The following HDHD2 variants were observed in gnomAD, a reference collection of about 807,000 sequenced individuals.
HDHD2 encodes the protein haloacid dehalogenase-like hydrolase domain-containing protein 2.
In HDHD2, 26 loss-of-function variants were observed where a neutral mutation model predicts 24.8. The ratio of observed to expected loss-of-function variants is 1.05; its 90% CI spans 0.77 to 1.45. The LOEUF (loss-of-function observed/expected upper bound fraction) is 1.45. Among genes scored for constraint, HDHD2 ranks in the 40% most tolerant of loss-of-function variants. HDHD2 has a pLI of 0.00. For missense variants in HDHD2, 299 were observed against 313.4 expected (o/e 0.95, Z 0.35); for synonymous variants, 128 against 114.9 (o/e 1.11, Z -0.73).
rs2063489410 is a variant in HDHD2 at position 47,108,320 on chromosome 18, TC to T, written c.*361del. The T allele has an allele frequency of 5.5e-6, 1 of 180,534 alleles. No homozygotes were observed. The allele number at this position is 180,534 out of a possible 1,614,324, so 11.2% of individuals were successfully genotyped here. On this transcript the variant is annotated 3_prime_UTR_variant, in exon 7 of 7. Coordinates refer to ENST00000300605, the MANE Select transcript of HDHD2 (RefSeq NM_032124.5). The stretch of plus-strand genomic sequence containing the variant: ...TTTAAAAACCACCATTCAACTTTCT[TC>T]ACAGTCTGAAATCCCCCCTCCCTGT...
chr18:47,117,308 A>C (rs763135001), intron 4 of HDHD2, among the ~76,000 whole-genome samples: 1 of 152,178 alleles, frequency 6.6e-6, no homozygotes. Context: ...TTAATTCCCA[A>C]TGCAACAGTG....
At chr18:47,113,281 A>C (rs907654879) in intron 5 of HDHD2, among the ~76,000 whole-genome samples, 2 of 152,254 alleles carry the variant, frequency 1.3e-5, no homozygotes, top group Non-Finnish European at 2.9e-5. Flanking sequence ...CTGGTAACCA[A>C]ACACAGAGAG....
chr18:47,126,935 C>T (rs1004603186), intron 4 of HDHD2, among the ~76,000 whole-genome samples: 5 of 152,120 alleles, frequency 3.3e-5, no homozygotes, highest in South Asian at 2.1e-4. Context: ...GAGGCTGAGG[C>T]GGGTGGATCA....
intron 3 of HDHD2, 184 bp downstream of exon 3, chr18:47,134,312 T>A: frequency 1.7e-6 from 1 of 604,334 alleles, no homozygotes; most frequent in South Asian, 2.0e-5. Flanking sequence ...TGTGTTTCAC[T>A]TACTGTGGAT....
At chr18:47,112,881 G>T in intron 6 of HDHD2, 96 bp downstream of exon 6, 2 of 1,002,114 alleles carry the variant, frequency 2.0e-6, no homozygotes, top group Non-Finnish European at 3.1e-6. Context: ...GAATAAAAGT[G>T]CCCAGGGCTC....
intron 1 of HDHD2, among the ~76,000 whole-genome samples, chr18:47,145,076 G>A (rs558641675): frequency 6.6e-5 from 10 of 152,262 alleles, no homozygotes; most frequent in African/African-American, 1.4e-4. Context: ...AAGGCCCAAC[G>A]AATTCTAAGC....
At chr18:47,145,832 CAT>C (rs370716255) in intron 1 of HDHD2, among the ~76,000 whole-genome samples, 109 of 152,250 alleles carry the variant, frequency 7.2e-4, no homozygotes, top group Non-Finnish European at 9.9e-4. Context: ...TTTTCTAACA[CAT>C]GTGGGAAAAG....
At chr18:47,111,195 C>G (rs62096468) in intron 6 of HDHD2, 1 of 984,820 alleles carries the variant, frequency 1.0e-6, no homozygotes, top group Non-Finnish European at 1.2e-6. Flanking sequence ...GATTGTGTTA[C>G]GCTGATGGCT....
intron 1 of HDHD2, among the ~76,000 whole-genome samples, chr18:47,146,034 C>A (rs118090589): frequency 0.047 from 7,187 of 152,006 alleles, 252 homozygotes; most frequent in East Asian, 0.13. Flanking sequence ...GCATTCAAGA[C>A]CAGCCTAGTC....
intron 1 of HDHD2, among the ~76,000 whole-genome samples, chr18:47,143,325 G>A (rs531866470): frequency 2.0e-5 from 3 of 152,124 alleles, no homozygotes; most frequent in South Asian, 2.1e-4. Context: ...GCATGGTGGC[G>A]TGTGCCTGTA....
chr18:47,132,778 C>G (rs11082564), intron 3 of HDHD2, among the ~76,000 whole-genome samples: 14,344 of 152,254 alleles, frequency 0.094, 805 homozygotes, highest in East Asian at 0.13. Context: ...ATAAAACTAT[C>G]ATATTCTTTC....
At chr18:47,138,250 T>C (rs1175441555) in intron 1 of HDHD2, among the ~76,000 whole-genome samples, 7 of 139,656 alleles carry the variant, frequency 5.0e-5, no homozygotes, top group Admixed American at 3.7e-4. Flanking sequence ...AATCAAATGA[T>C]CAAATTAACA....
rs2063723819 is a variant in HDHD2 at position 47,132,607 on chromosome 18, AAAT to A, written c.310+1886_310+1888del. Reference sequence around the variant, plus strand: ...AGCAAAGTTGGTTTCTGTTTCTTGCAAATAATAATTCTGATTGATACATTGGCA... The same window carrying A: ...AGCAAAGTTGGTTTCTGTTTCTTGCAAATAATTCTGATTGATACATTGGCA... On this transcript the variant is annotated intron_variant, in intron 3 of 6. Coordinates refer to ENST00000300605, the MANE Select transcript of HDHD2 (RefSeq NM_032124.5). 2.0e-5 allele frequency among the ~76,000 whole-genome samples: 3 copies of A among 152,298 alleles called. No homozygotes were observed. In the South Asian group the frequency reaches 6.2e-4, roughly 32 times the overall value.
At position 47,143,258 on chromosome 18, in the gene HDHD2, C is replaced by T. The variant is rs147543671; in HGVS notation, c.-10-6809G>A. On this transcript the variant is annotated intron_variant, in intron 1 of 6. Transcript: ENST00000300605. ...CTTGAATCCAGGAGTTCGAGACCAG[C>T]CTGGGCCATAAAGCGAGACCCCCAT... Among the ~76,000 whole-genome samples the T allele has an allele frequency of 1.1e-4, 16 of 152,140 alleles. No individual in the cohort carries two copies. In the East Asian group the frequency reaches 3.1e-3, roughly 29 times the overall value.
intron 6 of HDHD2, chr18:47,110,948 C>T (rs2063511054): frequency 1.0e-6 from 1 of 985,008 alleles, no homozygotes; most frequent in South Asian, 4.7e-5. Context: ...CGAGATGATC[C>T]ACAGAAAGCA....
chr18:47,135,338 C>T (rs1443156965), intron 2 of HDHD2, among the ~76,000 whole-genome samples: 2 of 150,990 alleles, frequency 1.3e-5, no homozygotes, highest in African/African-American at 2.4e-5. Flanking sequence ...CTCAGCGCAC[C>T]GCAACCTCCG....
Position 47,130,342 on chromosome 18 carries a change from A to G in HDHD2, c.311-14T>C. On this transcript the variant is annotated splice_polypyrimidine_tract_variant and intron_variant, in intron 3 of 6. Coordinates refer to ENST00000300605, the MANE Select transcript of HDHD2 (RefSeq NM_032124.5). ...TTGTTTGTATTCCTGGGAACGGAAA[A>G]AAAAAATGATTGTTGCAAATGCAAT... is the stretch of plus-strand genomic sequence containing the variant. 6.5e-7 allele frequency: 1 copy of G among 1,545,992 alleles called. No homozygotes were observed. Among genetic ancestry groups the G allele is most frequent in the Non-Finnish European group, 8.8e-7 (1 of 1,134,326 alleles).
chr18:47,147,529 A>G (rs1411853162), intron 1 of HDHD2, among the ~76,000 whole-genome samples: 2 of 152,248 alleles, frequency 1.3e-5, no homozygotes, highest in Non-Finnish European at 2.9e-5. Context: ...TCATATATAC[A>G]GAGGAATCTA....
intron 1 of HDHD2, among the ~76,000 whole-genome samples, chr18:47,143,257 G>C (rs1179779204): frequency 6.6e-6 from 1 of 152,102 alleles, no homozygotes. Context: ...TTCGAGACCA[G>C]CCTGGGCCAT....
Sources: allele counts gnomAD v4.1 joint callset (sites outside exome capture counted in the v4.1 genomes callset), GRCh38; gene constraint gnomAD v4.1.1; transcripts MANE v1.5; gene names NCBI Gene and HGNC (gene_info 2026-07-23, HGNC 2026-07-21).